Variants in CDK5RAP1 observed in about 807,000 individuals in gnomAD.
The protein encoded by CDK5RAP1 is CDK5RAP1 mitochondrial tRNA methylthiotransferase.
A neutral mutation model predicts 64.5 loss-of-function variants in CDK5RAP1; 62 were observed. The observed-to-expected ratio is 0.96, with a 90% CI of 0.78 to 1.19. The LOEUF is 1.19. Among genes scored for constraint, CDK5RAP1 ranks in the 50% most tolerant of loss-of-function variants. CDK5RAP1 has a pLI of 0.00. For missense variants in CDK5RAP1, 657 were observed against 735.0 expected (o/e 0.89, Z 1.23); for synonymous variants, 250 against 261.9 (o/e 0.95, Z 0.44).
At chr20:33,398,041 A>G (rs1346584745) in intron 1 of CDK5RAP1, among the ~76,000 whole-genome samples, 1 of 152,184 alleles carries the variant, frequency 6.6e-6, no homozygotes, top group East Asian at 1.9e-4. Context: ...CTTTCCACCC[A>G]GACCCTCTCA....
intron 1 of CDK5RAP1, among the ~76,000 whole-genome samples, chr20:33,399,293 T>C (rs1301504469): frequency 1.3e-5 from 2 of 152,148 alleles, no homozygotes; most frequent in Non-Finnish European, 2.9e-5. Context: ...CACTAGCTTA[T>C]AGGATTTTAC....
chr20:33,359,282 A>G (rs113320161), intron 13 of CDK5RAP1, 159 bp from the exon 14 acceptor site: 1 of 607,266 alleles, frequency 1.6e-6, no homozygotes. Context: ...CCTGGCAGGA[A>G]GCGAGGTCTC....
At chr20:33,372,092 C>G (rs1441573383) in intron 10 of CDK5RAP1, among the ~76,000 whole-genome samples, 1 of 152,108 alleles carries the variant, frequency 6.6e-6, no homozygotes, top group African/African-American at 2.4e-5. Flanking sequence ...TCTTTTCCCA[C>G]CTAACCTGGA....
intron 12 of CDK5RAP1, among the ~76,000 whole-genome samples, chr20:33,364,557 G>A (rs1427617816): frequency 6.6e-6 from 1 of 151,890 alleles, no homozygotes; most frequent in Non-Finnish European, 1.5e-5. Context: ...GATTAGTCAA[G>A]TATTGACAAC....
chr20:33,367,683 C>T (rs1984241886), intron 11 of CDK5RAP1, among the ~76,000 whole-genome samples: 1 of 152,186 alleles, frequency 6.6e-6, no homozygotes, highest in African/African-American at 2.4e-5. Context: ...CAGCACTTAA[C>T]CTTTTGAATT....
intron 7 of CDK5RAP1, 112 bp downstream of exon 7, chr20:33,385,538 G>A: frequency 7.9e-7 from 1 of 1,258,372 alleles, no homozygotes; most frequent in South Asian, 1.4e-5. Context: ...TTCTGGCCAG[G>A]CATGGTCCTA....
At chr20:33,390,012 C>G (rs1460477395) in intron 5 of CDK5RAP1, among the ~76,000 whole-genome samples, 1 of 150,230 alleles carries the variant, frequency 6.7e-6, no homozygotes, top group Non-Finnish European at 1.5e-5. Context: ...TGCTATGGGT[C>G]ACACCTGTAA....
At chr20:33,387,719 T>A (rs1987637938) in intron 5 of CDK5RAP1, among the ~76,000 whole-genome samples, 186 bp from the exon 6 acceptor site, 1 of 152,048 alleles carries the variant, frequency 6.6e-6, no homozygotes, top group East Asian at 1.9e-4. Context: ...TCTTCCTATA[T>A]AAGAAAACCA....
chr20:33,369,128 G>T (rs1984558057), intron 11 of CDK5RAP1, among the ~76,000 whole-genome samples: 1 of 151,304 alleles, frequency 6.6e-6, no homozygotes, highest in African/African-American at 2.4e-5. Context: ...GACAGAGCGA[G>T]ACTCTGTCTC....
At chr20:33,379,414 G>T in intron 8 of CDK5RAP1, 47 bp downstream of exon 8, 1 of 1,394,462 alleles carries the variant, frequency 7.2e-7, no homozygotes, top group Non-Finnish European at 1.0e-6. Flanking sequence ...CCTTTGGCAT[G>T]CTCAAGAATA....
At chr20:33,389,102 G>A (rs1489279098) in intron 5 of CDK5RAP1, among the ~76,000 whole-genome samples, 1 of 152,006 alleles carries the variant, frequency 6.6e-6, no homozygotes, top group Non-Finnish European at 1.5e-5. Flanking sequence ...GGGATGTGAG[G>A]AGCCCCTCTG....
At chr20:33,375,398 T>C (rs1289128302) in intron 8 of CDK5RAP1, among the ~76,000 whole-genome samples, 4 of 126,448 alleles carry the variant, frequency 3.2e-5, no homozygotes, top group Admixed American at 8.8e-5. Context: ...CGAGACTCCA[T>C]CTCAAAAAAA....
intron 10 of CDK5RAP1, among the ~76,000 whole-genome samples, chr20:33,372,404 T>C (rs1055828268): frequency 2.0e-5 from 3 of 152,064 alleles, no homozygotes; most frequent in Non-Finnish European, 4.4e-5. Flanking sequence ...AAAAGGAATC[T>C]CTATAGCCTT....
rs1349437376 is a variant in CDK5RAP1 at position 33,372,672 on chromosome 20, A to C, written c.1231T>G (p.Leu411Val). ...RGYSREAYVE[L>V]VHHIRESIPG... ...ATAGATTCTCTAATATGGTGAACTA[A>C]CTCCACATAAGCTTCTCTTGAATAT... Residue 411 changes from leucine to valine, a missense_variant, in exon 10 of 14, where the codon TTA becomes GTA. Transcript: ENST00000346416. 1 of 1,577,754 alleles carries C rather than the reference A, an allele frequency of 6.3e-7. No individual in the cohort carries two copies. Among genetic ancestry groups the C allele is most frequent in the East Asian group, 2.3e-5 (1 of 43,850 alleles).
chr20:33,380,369 C>CT (rs1041951882), intron 7 of CDK5RAP1, among the ~76,000 whole-genome samples: 2 of 151,920 alleles, frequency 1.3e-5, no homozygotes, highest in African/African-American at 4.8e-5. Context: ...CTGGGACTAC[C>CT]TTTTTTTACT....
intron 1 of CDK5RAP1, among the ~76,000 whole-genome samples, chr20:33,398,669 A>G (rs907970265): frequency 1.3e-5 from 2 of 152,062 alleles, no homozygotes; most frequent in Non-Finnish European, 2.9e-5. Context: ...GCTCATGCCT[A>G]TAATCCCAGC....
chr20:33,370,347 T>A, intron 11 of CDK5RAP1, 152 bp downstream of exon 11: 1 of 655,940 alleles, frequency 1.5e-6, no homozygotes. Context: ...GTAGACAGAG[T>A]GTACTAGAAA....
chr20:33,380,956 T>C (rs1472448706), intron 7 of CDK5RAP1, among the ~76,000 whole-genome samples: 1 of 152,074 alleles, frequency 6.6e-6, no homozygotes, highest in Non-Finnish European at 1.5e-5. Context: ...GCCGAGACCA[T>C]GCCACTGCAC....
At chr20:33,389,747 G>A (rs867913014) in intron 5 of CDK5RAP1, among the ~76,000 whole-genome samples, 4 of 152,102 alleles carry the variant, frequency 2.6e-5, no homozygotes, top group South Asian at 2.1e-4. Context: ...TGACGATGGC[G>A]GTTTTGTTGA....
Sources: gnomAD v4.1 joint callset for allele counts (sites outside exome capture counted in the v4.1 genomes callset) on GRCh38, gnomAD v4.1.1 for gene constraint, MANE v1.5 for transcripts, NCBI Gene and HGNC (gene_info 2026-07-23, HGNC 2026-07-21) for gene names.